The following PRR27 variants were observed in gnomAD, a reference collection of about 807,000 sequenced individuals.
PRR27 encodes proline rich 27, also known as proline-rich protein 27.
Under a neutral mutation model 16.8 loss-of-function variants are expected in PRR27, and 12 were observed. The observed-to-expected ratio is 0.71, with a 90% confidence interval of 0.46 to 1.16. The LOEUF is 1.16. Ranked by LOEUF, PRR27 falls within the 50% of genes most tolerant of loss-of-function variation. The pLI is 0.00. For synonymous variants in PRR27, 100 were observed against 98.4 expected (o/e 1.02, Z -0.10); for missense variants, 277 against 273.3 (o/e 1.01, Z -0.10).
At chr4:70,155,054 A>G (rs1188383664) in intron 1 of PRR27, among the ~76,000 whole-genome samples, 1 of 152,174 alleles carries the variant, frequency 6.6e-6, no homozygotes, top group Admixed American at 6.5e-5. Flanking sequence ...GTAATTATAT[A>G]AAGTGCTTAG....
intron 3 of PRR27, among the ~76,000 whole-genome samples, chr4:70,161,154 C>CG (rs1728636492): frequency 1.2e-4 from 1 of 8,670 alleles, no homozygotes; most frequent in African/African-American, 2.2e-4. Context: ...ATTATGAACA[C>CG]TGTATATATA....
rs1728689254 is a variant in PRR27, at chr4:70,163,366, T to C, written c.*705T>C. ...GTCTCACACTGTTGCACGGCTGTAG[T>C]GCAATGGTGCCAACTCAGCTCACTG... On this transcript the variant is annotated 3_prime_UTR_variant, in exon 5 of 5. Coordinates refer to ENST00000344526, the MANE Select transcript of PRR27 (RefSeq NM_214711.4). 6.7e-6 allele frequency: 1 copy of C among 148,348 alleles called. No homozygotes were observed. Among genetic ancestry groups the C allele is most frequent in the African/African-American group, 2.5e-5 (1 of 40,288 alleles). 9.2% of individuals were successfully genotyped at this position (148,348 alleles called of 1,614,324 possible).
intron 1 of PRR27, among the ~76,000 whole-genome samples, chr4:70,155,219 C>T (rs1728447514): frequency 6.6e-6 from 1 of 152,050 alleles, no homozygotes; most frequent in African/African-American, 2.4e-5. Flanking sequence ...TGATGATTTT[C>T]CTGTACTTTT....
chr4:70,160,594 A>T (rs1728624778), intron 3 of PRR27, among the ~76,000 whole-genome samples: 1 of 151,964 alleles, frequency 6.6e-6, no homozygotes, highest in South Asian at 2.1e-4. Context: ...TGATATTTAG[A>T]TCTTGAAAAA....
chr4:70,158,600 G>C lies in PRR27; in HGVS notation c.348G>C (p.Arg116Ser). 6.2e-7 allele frequency: 1 copy of C among 1,613,976 alleles called. No homozygotes were observed. Among genetic ancestry groups the C allele is most frequent in the Non-Finnish European group, 8.5e-7 (1 of 1,179,972 alleles). The change falls in exon 3 of 5, where the codon AGG (arginine) becomes AGC (serine). Residue 116 changes from arginine to serine, a missense_variant. Physicochemically the swap from Arg to Ser is moderately radical, Grantham distance 110 (BLOSUM62 -1). Transcript: ENST00000344526. ...GTTTCCCGTTTGTCCCTCCTTCAAG[G>C]TTTTTTTCAGCAGCTGCAGCACCCG... ...PRGFPFVPPS[R>S]FFSAAAAPAA...
At chr4:70,162,207 C>T (rs1728665477) in intron 4 of PRR27, among the ~76,000 whole-genome samples, 1 of 152,164 alleles carries the variant, frequency 6.6e-6, no homozygotes, top group Admixed American at 6.5e-5. Flanking sequence ...CATCCCTTCT[C>T]AAAGATGTTC....
Position 70,158,320 on chromosome 4 carries a change from T to G in PRR27, c.76-8T>G, listed in dbSNP as rs1227166655. The G allele has an allele frequency of 6.3e-7, 1 of 1,584,498 alleles. No individual in the cohort carries two copies. On this transcript the variant is annotated splice_polypyrimidine_tract_variant and splice_region_variant and intron_variant, in intron 2 of 4. Transcript: ENST00000344526. ...CAATCAACTTCGACTTCTTTGTTTC[T>G]CCTTTAGGATGACAATGACGATGGT...
At position 70,158,740 on chromosome 4, in the gene PRR27, C is replaced by A. The variant is rs137932345; in HGVS notation, c.488C>A (p.Pro163His). ...PVAAEPAAEA[P>H]VGAEPAAEAP... ...GCAGCTGAGCCTGCTGCAGAGGCAC[C>A]TGTTGGAGCTGAGCCTGCTGCAGAG... is the stretch of plus-strand genomic sequence containing the variant. Residue 163 changes from proline (P) to histidine (H), a missense_variant, in exon 3 of 5, where the codon CCT becomes CAT. Pro to His is a moderately conservative substitution (Grantham distance 77). Coordinates refer to ENST00000344526, the MANE Select transcript of PRR27 (RefSeq NM_214711.4). 3 of 1,578,558 alleles carry A rather than the reference C, an allele frequency of 1.9e-6. No individual in the cohort carries two copies. Among genetic ancestry groups the A allele is most frequent in the African/African-American group, 2.7e-5 (2 of 74,356 alleles).
intron 2 of PRR27, among the ~76,000 whole-genome samples, chr4:70,156,910 C>T (rs1415128937): frequency 2.0e-5 from 3 of 151,840 alleles, no homozygotes; most frequent in Non-Finnish European, 4.4e-5. Context: ...TTTTATTATA[C>T]TTTAACTTTT....
At position 70,158,735 on chromosome 4, in the gene PRR27, G is replaced by A; in HGVS notation, c.483G>A (p.Glu161=). ...CTGTTGCAGCTGAGCCTGCTGCAGA[G>A]GCACCTGTTGGAGCTGAGCCTGCTG... ...GAPVAAEPAA[E]APVGAEPAAE... is the part of the protein sequence containing the mutation. The change falls in exon 3 of 5, where the codon GAG becomes GAA. Residue 161 remains glutamate, a synonymous_variant. Coordinates refer to ENST00000344526, the MANE Select transcript of PRR27 (RefSeq NM_214711.4). 1 of 1,577,290 alleles carries A rather than the reference G, an allele frequency of 6.3e-7. No homozygotes were observed. The highest frequency in any genetic ancestry group is 8.7e-7 in the Non-Finnish European group (1 of 1,152,324).
chr4:70,161,180 A>ATATATATATATATATG (rs3044734), intron 3 of PRR27, among the ~76,000 whole-genome samples: 1 of 87,880 alleles, frequency 1.1e-5, no homozygotes, highest in Non-Finnish European at 2.2e-5. Flanking sequence ...ATATATATAT[A>ATATATATATATATATG]CACACATACA....
Position 70,154,413 on chromosome 4 carries a change from C to T in PRR27, c.38C>T (p.Ala13Val). 1.9e-6 allele frequency: 3 copies of T among 1,612,740 alleles called. No homozygotes were observed. Among genetic ancestry groups the T allele is most frequent in the South Asian group, 1.1e-5 (1 of 91,054 alleles). ...CTTTGGGCCTGCATTGTATGTGTTG[C>T]TTTTGCAAGGAAGGTAAGTAAATGG... ...LLLWACIVCV[A>V]FARKRRFPFI... The change falls in exon 1 of 5, where the codon GCT becomes GTT. Residue 13 changes from alanine (A) to valine (V), a missense_variant. Physicochemically the swap from Ala to Val is moderately conservative, Grantham distance 64. Coordinates refer to ENST00000344526, the MANE Select transcript of PRR27 (RefSeq NM_214711.4).
chr4:70,155,694 C>T (rs1239837172), intron 1 of PRR27, among the ~76,000 whole-genome samples: 1 of 17,598 alleles, frequency 5.7e-5, no homozygotes, highest in Non-Finnish European at 3.1e-4. Flanking sequence ...CACACAGATG[C>T]ACACACACAC....
At position 70,154,288 on chromosome 4, in the gene PRR27, T is replaced by C. The variant is rs1237959054; in HGVS notation, c.-88T>C. On this transcript the variant is annotated 5_prime_UTR_variant, in exon 1 of 5. The change abolishes the stop of an existing upstream ORF in the 5' untranslated region. Coordinates refer to ENST00000344526, the MANE Select transcript of PRR27 (RefSeq NM_214711.4). Reference sequence around the variant, plus strand: ...AGCCATGTATTCTTTCGTTTCTCTCTAAAAGAAGAAAAATATAATTTAAAA... The same window carrying C: ...AGCCATGTATTCTTTCGTTTCTCTCCAAAAGAAGAAAAATATAATTTAAAA... 1.0e-5 allele frequency: 12 copies of C among 1,166,134 alleles called. No homozygotes were observed. Among genetic ancestry groups the C allele is most frequent in the African/African-American group, 6.3e-5 (4 of 63,864 alleles). 72.2% of individuals were successfully genotyped at this position (1,166,134 alleles called of 1,614,324 possible).
chr4:70,155,098 C>T (rs1293434587), intron 1 of PRR27, among the ~76,000 whole-genome samples: 2 of 152,142 alleles, frequency 1.3e-5, no homozygotes, highest in Non-Finnish European at 2.9e-5. Context: ...AACTCAACTG[C>T]TACTTGATAC....
In PRR27 at chr4:70,166,604, A is replaced by C. The variant is rs1380945797; in HGVS notation, c.*3943A>C. 1 of 152,046 alleles carries C rather than the reference A, an allele frequency of 6.6e-6. No individual in the cohort carries two copies. Among genetic ancestry groups the C allele is most frequent in the African/African-American group, 2.4e-5 (1 of 41,436 alleles). The allele number at this position is 152,046 out of a possible 1,614,324, so 9.4% of individuals were successfully genotyped here. ...AGCAAACATTATTAAAATATTATTG[A>C]AATAACTAACTGAAGTAAGTCACTT... is the stretch of plus-strand genomic sequence containing the variant. On this transcript the variant is annotated 3_prime_UTR_variant, in exon 5 of 5. Coordinates refer to ENST00000344526, the MANE Select transcript of PRR27 (RefSeq NM_214711.4).
In PRR27 at chr4:70,165,515, A is replaced by T. The variant is rs1728743319; in HGVS notation, c.*2854A>T. 6.6e-6 allele frequency: 1 copy of T among 152,060 alleles called. No individual in the cohort carries two copies. Among genetic ancestry groups the T allele is most frequent in the African/African-American group, 2.4e-5 (1 of 41,416 alleles). 9.4% of individuals were successfully genotyped at this position (152,060 alleles called of 1,614,324 possible). On this transcript the variant is annotated 3_prime_UTR_variant, in exon 5 of 5. Coordinates refer to ENST00000344526, the MANE Select transcript of PRR27 (RefSeq NM_214711.4). ...TTAGTGGATTAGGGTAATTCATTCT[A>T]CTTTTAAAAATGATTTTTCCACCTC...
intron 3 of PRR27, among the ~76,000 whole-genome samples, chr4:70,160,433 C>CTGTGTGTGTG (rs1484201599): frequency 1.2e-4 from 5 of 40,862 alleles, no homozygotes; most frequent in South Asian, 1.1e-3. Flanking sequence ...CTCTCTCTCT[C>CTGTGTGTGTG]TCTCTCTCTC....
Position 70,158,515 on chromosome 4 carries a change from A to G in PRR27, c.263A>G (p.Tyr88Cys), listed in dbSNP as rs1267651127. The stretch of plus-strand genomic sequence containing the variant: ...ACTTCTCCTGGATTCCCCTATGTCT[A>G]TCACATCCGTGGTTTTCCCTTAGCT... Reference protein sequence around the residue: ...ILTSPGFPYVYHIRGFPLATQ... With the variant: ...ILTSPGFPYVCHIRGFPLATQ... Residue 88 changes from tyrosine (Y) to cysteine (C), a missense_variant, in exon 3 of 5, where the codon TAT (tyrosine) becomes TGT (cysteine). Transcript: ENST00000344526. 1 of 1,614,062 alleles carries G rather than the reference A, an allele frequency of 6.2e-7. No homozygotes were observed. Among genetic ancestry groups the G allele is most frequent in the Non-Finnish European group, 8.5e-7 (1 of 1,179,982 alleles).
Sources: gnomAD v4.1 joint callset for allele counts (sites outside exome capture counted in the v4.1 genomes callset) on GRCh38, gnomAD v4.1.1 for gene constraint, MANE v1.5 for transcripts, NCBI Gene and HGNC (gene_info 2026-07-23, HGNC 2026-07-21) for gene names.